Variants in CFAP54 observed in about 807,000 individuals in gnomAD.
The protein encoded by CFAP54 is cilia- and flagella-associated protein 54.
In CFAP54, 290 loss-of-function variants were observed where a neutral mutation model predicts 370.4. The ratio of observed to expected loss-of-function variants is 0.78; its 90% CI spans 0.71 to 0.86. The LOEUF is 0.86. Among genes scored for constraint, CFAP54 ranks in the 40% least tolerant of loss-of-function variants. CFAP54 has a pLI of 0.00. For synonymous variants in CFAP54, 1,206 were observed against 1,236.5 expected (o/e 0.98, Z 0.52); for missense variants, 3,399 against 3,528.7 (o/e 0.96, Z 0.93).
intron 66 of CFAP54, among the ~76,000 whole-genome samples, chr12:96,840,913 A>G (rs1443041802): frequency 6.6e-6 from 1 of 152,216 alleles, no homozygotes; most frequent in African/African-American, 2.4e-5. Flanking sequence ...AGCCCTTAAG[A>G]AAAGGCCAGG....
At chr12:96,798,555 GTCT>G (rs1370551114) in intron 63 of CFAP54, among the ~76,000 whole-genome samples, 1 of 151,998 alleles carries the variant, frequency 6.6e-6, no homozygotes, top group Non-Finnish European at 1.5e-5. Context: ...ACTGAGAATG[GTCT>G]TCTTTTTATT....
At chr12:96,694,981 A>G (rs902211121) in intron 45 of CFAP54, among the ~76,000 whole-genome samples, 6 of 152,156 alleles carry the variant, frequency 3.9e-5, no homozygotes, top group African/African-American at 1.4e-4. Flanking sequence ...AGATTGCACC[A>G]CTGCACTCCA....
At chr12:96,610,044 T>C (rs910329294) in intron 26 of CFAP54, among the ~76,000 whole-genome samples, 1 of 152,214 alleles carries the variant, frequency 6.6e-6, no homozygotes, top group Non-Finnish European at 1.5e-5. Context: ...AAGTTCTCAA[T>C]AGATATTAAA....
chr12:96,559,661 T>C (rs1955795363), intron 17 of CFAP54, among the ~76,000 whole-genome samples: 1 of 152,128 alleles, frequency 6.6e-6, no homozygotes, highest in Non-Finnish European at 1.5e-5. Flanking sequence ...ATTATGTATG[T>C]GTAGAGATAT....
intron 22 of CFAP54, among the ~76,000 whole-genome samples, chr12:96,586,276 G>C (rs764298525): frequency 6.6e-6 from 1 of 152,110 alleles, no homozygotes; most frequent in Non-Finnish European, 1.5e-5. Flanking sequence ...GAGGCCCAGG[G>C]ACCATACTTT....
intron 67 of CFAP54, among the ~76,000 whole-genome samples, chr12:96,870,877 G>A (rs1269174352): frequency 6.6e-6 from 1 of 152,136 alleles, no homozygotes; most frequent in Admixed American, 6.5e-5. Context: ...CCAAAGGAAT[G>A]GTAATCCTTG....
In CFAP54 at chr12:96,685,185, A is replaced by G. The variant is rs1201618022; in HGVS notation, c.5961A>G (p.Arg1987=). The G allele has an allele frequency of 1.2e-6, 2 of 1,614,102 alleles. No homozygotes were observed. Among genetic ancestry groups the G allele is most frequent in the Non-Finnish European group, 1.7e-6 (2 of 1,180,000 alleles). The change falls in exon 42 of 68, where the codon AGA becomes AGG. Residue 1987 remains arginine, a synonymous_variant. Transcript: ENST00000524981. ...ACTACAGTGAGGAGTTTCTGTCAAG[A>G]GTTGGCATCTGGGGGTGTTTGCAAG... The part of the protein sequence containing the change: ...FKDYSEEFLS[R]VGIWGCLQGA...
At position 96,718,536 on chromosome 12, in the gene CFAP54, T is replaced by A; in HGVS notation, c.6804+14T>A. ...AGCATGCTAAAGGTAAGTTTGAAAC[T>A]GTTTTCAAACCATTAAGTTAGTTAC... On this transcript the variant is annotated intron_variant, in intron 49 of 67. Coordinates refer to ENST00000524981, the MANE Select transcript of CFAP54 (RefSeq NM_001306084.2). 1 of 1,495,742 alleles carries A rather than the reference T, an allele frequency of 6.7e-7. No homozygotes were observed. Among genetic ancestry groups the A allele is most frequent in the Non-Finnish European group, 9.3e-7 (1 of 1,078,596 alleles). The allele number at this position is 1,495,742 out of a possible 1,614,324, so 92.7% of individuals were successfully genotyped here.
intron 64 of CFAP54, among the ~76,000 whole-genome samples, chr12:96,817,485 A>T (rs1958988510): frequency 6.6e-6 from 1 of 151,108 alleles, no homozygotes. Context: ...CAGTGGCGCA[A>T]TCTCCGCTCA....
chr12:96,772,568 A>G (rs1288041468), intron 60 of CFAP54, among the ~76,000 whole-genome samples: 1 of 150,998 alleles, frequency 6.6e-6, no homozygotes, highest in Non-Finnish European at 1.5e-5. Flanking sequence ...TCTCAAAGTC[A>G]GTTGATAGGT....
At chr12:96,745,860 G>A (rs1958109102) in intron 55 of CFAP54, among the ~76,000 whole-genome samples, 1 of 152,198 alleles carries the variant, frequency 6.6e-6, no homozygotes, top group South Asian at 2.1e-4. Flanking sequence ...TGAAGGGACA[G>A]CATCTTATGT....
chr12:96,505,921 T>G (rs1394624637), intron 3 of CFAP54, among the ~76,000 whole-genome samples: 1 of 152,196 alleles, frequency 6.6e-6, no homozygotes, highest in African/African-American at 2.4e-5. Context: ...AGAGTCTCTG[T>G]TGCCTAGCAG....
chr12:96,625,639 TG>T, intron 28 of CFAP54, 78 bp from the exon 29 acceptor site: 1 of 785,096 alleles, frequency 1.3e-6, no homozygotes, highest in Non-Finnish European at 2.0e-6. Context: ...TTTAAAGAAT[TG>T]TTATTGTGAA....
intron 26 of CFAP54, among the ~76,000 whole-genome samples, chr12:96,602,900 C>T (rs1218617820): frequency 6.6e-6 from 1 of 152,120 alleles, no homozygotes; most frequent in East Asian, 1.9e-4. Flanking sequence ...TGGGTCTTGA[C>T]CCTTTATCCA....
rs528657109 is a variant in CFAP54 at position 96,714,094 on chromosome 12, C to T, written c.6725-4349C>T. Reference sequence around the variant, plus strand: ...AGGTTAGGCTATGGGGTTAGGGGAACGAACAGGGTGAATATATAAGACCAT... The same window carrying T: ...AGGTTAGGCTATGGGGTTAGGGGAATGAACAGGGTGAATATATAAGACCAT... On this transcript the variant is annotated intron_variant, in intron 48 of 67. Coordinates refer to ENST00000524981, the MANE Select transcript of CFAP54 (RefSeq NM_001306084.2). 1.8e-4 allele frequency among the ~76,000 whole-genome samples: 27 copies of T among 152,194 alleles called. 1 individual carries two copies. The highest frequency in any genetic ancestry group is 1.4e-3 in the Admixed American group (21 of 15,282).
At chr12:96,742,336 G>A in intron 51 of CFAP54, 103 bp from the exon 52 acceptor site, 1 of 738,364 alleles carries the variant, frequency 1.4e-6, no homozygotes, top group East Asian at 2.7e-5. Context: ...GTAATACTGT[G>A]GAATGATACC....
chr12:96,758,668 G>A (rs1958295118), intron 58 of CFAP54, among the ~76,000 whole-genome samples: 1 of 152,132 alleles, frequency 6.6e-6, no homozygotes, highest in African/African-American at 2.4e-5. Flanking sequence ...ACCTGAGAAG[G>A]GGTGATGTTT....
intron 6 of CFAP54, among the ~76,000 whole-genome samples, chr12:96,521,547 TGC>T (rs35540268): frequency 0.058 from 2,284 of 39,516 alleles, 27 homozygotes; most frequent in African/African-American, 0.078. Flanking sequence ...TGTGTGTGTG[TGC>T]GCGTGCGCAC....
chr12:96,651,866 A>T, intron 36 of CFAP54, 51 bp downstream of exon 36: 1 of 1,164,360 alleles, frequency 8.6e-7, no homozygotes. Context: ...AAAATATCGT[A>T]CTGTGCATCT....
Sources: gnomAD v4.1 joint callset for allele counts (sites outside exome capture counted in the v4.1 genomes callset) on GRCh38, gnomAD v4.1.1 for gene constraint, MANE v1.5 for transcripts, NCBI Gene and HGNC (gene_info 2026-07-23, HGNC 2026-07-21) for gene names.